The following PDZD2 variants were observed in gnomAD, a reference collection of about 807,000 sequenced individuals.
PDZD2 encodes PDZ domain-containing protein 2.
PDZD2 carries 90 observed loss-of-function variants against 220.7 expected under a neutral mutation model. The ratio of observed to expected loss-of-function variants is 0.41; its 90% CI spans 0.34 to 0.49. PDZD2 has a LOEUF of 0.49. Among genes scored for constraint, PDZD2 ranks in the 20% least tolerant of loss-of-function variants. The pLI is 0.28. For missense variants in PDZD2, 3,174 were observed against 3,608.5 expected (o/e 0.88, Z 3.08); for synonymous variants, 1,375 against 1,450.5 (o/e 0.95, Z 1.18).
At chr5:31,936,231 C>T in intron 2 of PDZD2, 1 of 987,758 alleles carries the variant, frequency 1.0e-6, no homozygotes, top group Non-Finnish European at 1.2e-6. Context: ...TAACCCAGGA[C>T]TTTAAAGACC....
chr5:31,646,528 C>A lies in PDZD2; in HGVS notation c.-361+7091C>A, dbSNP rs572689011. Among the ~76,000 whole-genome samples the A allele has an allele frequency of 1.3e-5, 2 of 152,312 alleles. No homozygotes were observed. The highest frequency in any genetic ancestry group is 2.9e-5 in the Non-Finnish European group (2 of 68,018). ...TAAAGCAAGATGTCAATAAACTCTACATTTTTGTGTGTTGGCCAATGGACA... is the reference window on the plus strand; with the variant it reads ...TAAAGCAAGATGTCAATAAACTCTAAATTTTTGTGTGTTGGCCAATGGACA... On this transcript the variant is annotated intron_variant, in intron 1 of 24. Coordinates refer to ENST00000438447, the MANE Select transcript of PDZD2 (RefSeq NM_178140.4). This position sits in a 1 kb window ranked among gnomAD's most constrained non-coding sequence, Gnocchi z 4.7.
chr5:31,995,521 T>G (rs1194585846), intron 3 of PDZD2, 55 bp from the exon 4 acceptor site: 11 of 1,604,674 alleles, frequency 6.9e-6, no homozygotes, highest in Non-Finnish European at 9.4e-6. Flanking sequence ...TTCTCCTGTG[T>G]CAATGCCGTG....
intron 1 of PDZD2, among the ~76,000 whole-genome samples, chr5:31,718,762 A>G (rs1456049308): frequency 2.2e-5 from 3 of 136,182 alleles, no homozygotes; most frequent in Non-Finnish European, 3.0e-5. Flanking sequence ...GTGCAGTAGC[A>G]CGATCTCGGC....
chr5:31,720,107 G>T (rs1044104665), intron 1 of PDZD2, among the ~76,000 whole-genome samples: 2 of 152,278 alleles, frequency 1.3e-5, no homozygotes, highest in African/African-American at 4.8e-5. Context: ...CCTGAAGTTG[G>T]GTGTCTGTAA....
chr5:32,021,729 T>A lies in PDZD2; in HGVS notation c.1407+11247T>A, dbSNP rs558050322. ...AGCTCCCGGTTTGTTAATGGGCAGG[T>A]GTTTTCCAAAATTTGTTGGTAAAGC... On this transcript the variant is annotated intron_variant, in intron 6 of 24. Transcript: ENST00000438447. Among the ~76,000 whole-genome samples, 10 of 152,354 alleles carry A rather than the reference T, an allele frequency of 6.6e-5. No homozygotes were observed. The South Asian group carries it at 1.7e-3, about 25-fold the overall frequency.
chr5:31,859,103 G>A (rs1737434889), intron 2 of PDZD2, among the ~76,000 whole-genome samples: 1 of 151,888 alleles, frequency 6.6e-6, no homozygotes, highest in Admixed American at 6.6e-5. Context: ...TCAGCATGAG[G>A]ACCATTTTCC....
intron 2 of PDZD2, among the ~76,000 whole-genome samples, chr5:31,946,008 T>C (rs915069479): frequency 4.6e-5 from 7 of 152,182 alleles, no homozygotes; most frequent in Non-Finnish European, 8.8e-5. Flanking sequence ...CATTTGTTTT[T>C]GTTTCTCTTT....
In PDZD2 at chr5:31,878,733, T is replaced by G. The variant is rs569091588; in HGVS notation, c.476+79009T>G. On this transcript the variant is annotated intron_variant, in intron 2 of 24. Transcript: ENST00000438447. ...CCGCCACCTCGCCCAGCTAATTTTTTTGTATTTTTAGTAGAGACGGGGTTT... is the reference window on the plus strand; with the variant it reads ...CCGCCACCTCGCCCAGCTAATTTTTGTGTATTTTTAGTAGAGACGGGGTTT... Among the ~76,000 whole-genome samples the G allele has an allele frequency of 4.3e-4, 66 of 151,824 alleles. No individual in the cohort carries two copies. In the East Asian group the frequency reaches 0.012, roughly 29 times the overall value.
chr5:31,715,258 G>A (rs1185399372), intron 1 of PDZD2, among the ~76,000 whole-genome samples: 2 of 152,100 alleles, frequency 1.3e-5, no homozygotes, highest in Non-Finnish European at 2.9e-5. Context: ...GAAGTTTCTT[G>A]AAGAAACTAA....
chr5:32,106,572 C>T (rs1744784821), intron 24 of PDZD2: 1 of 152,212 alleles, frequency 6.6e-6, no homozygotes, highest in South Asian at 2.1e-4. Flanking sequence ...TTGGAGAAAT[C>T]TGTAACTTGC....
chr5:31,706,047 A>G (rs1317527632), intron 1 of PDZD2, among the ~76,000 whole-genome samples: 1 of 152,178 alleles, frequency 6.6e-6, no homozygotes, highest in Non-Finnish European at 1.5e-5. Flanking sequence ...GCGAGACTCC[A>G]TCTCAAAATA....
chr5:31,657,891 C>A (rs1287416814), intron 1 of PDZD2, among the ~76,000 whole-genome samples: 2 of 152,160 alleles, frequency 1.3e-5, no homozygotes, highest in Admixed American at 6.5e-5. Context: ...TAATAGCTGC[C>A]TTCCAAGTCC....
intron 2 of PDZD2, among the ~76,000 whole-genome samples, chr5:31,854,093 A>T (rs1758220324): frequency 2.0e-5 from 3 of 152,190 alleles, no homozygotes; most frequent in Admixed American, 2.0e-4. Flanking sequence ...AAAAGCAATG[A>T]AATGTGGGGT....
chr5:32,097,243 G>A (rs373253465), intron 21 of PDZD2, 36 bp from the exon 22 acceptor site: 289 of 1,361,702 alleles, frequency 2.1e-4, no homozygotes, highest in Non-Finnish European at 2.9e-4. Context: ...TTTTGCAGCT[G>A]TAGCTCAAAG....
intron 19 of PDZD2, among the ~76,000 whole-genome samples, chr5:32,079,893 G>A (rs896771700): frequency 4.6e-5 from 7 of 152,108 alleles, no homozygotes; most frequent in South Asian, 2.1e-4. Context: ...ACAGGCCCCT[G>A]ATGTCTCTGT....
chr5:31,849,479 T>C (rs1235845861), intron 2 of PDZD2, among the ~76,000 whole-genome samples: 1 of 152,166 alleles, frequency 6.6e-6, no homozygotes, highest in Non-Finnish European at 1.5e-5. Context: ...ATCATTATCA[T>C]CATCAACTAA....
rs144123255 is a variant in PDZD2, at chr5:31,975,893, T to C, written c.477-7262T>C. ...GTCATGGCTCACTGCAGCCTCGACC[T>C]CCTAGGCTCAAGCGATCTTCCCGCC... On this transcript the variant is annotated intron_variant, in intron 2 of 24. Coordinates refer to ENST00000438447, the MANE Select transcript of PDZD2 (RefSeq NM_178140.4). 5.8e-3 allele frequency among the ~76,000 whole-genome samples: 829 copies of C among 143,120 alleles called. 4 individuals are homozygous for C. Among genetic ancestry groups the C allele is most frequent in the African/African-American group, 0.02 (787 of 38,596 alleles). The allele number at this position is 143,120 out of a possible 152,430, so 93.9% of individuals were successfully genotyped here.
At position 32,000,397 on chromosome 5, in the gene PDZD2, GAAACAGC is replaced by G; in HGVS notation, c.1254+127_1254+133del. ...ACTTGTACGTTTGCCTTGGGCTATT[GAAACAGC>G]CTTGCTTCCACAGGGCAACGCTATA... On this transcript the variant is annotated intron_variant, in intron 5 of 24. Transcript: ENST00000438447. This position sits in a 1 kb window ranked among gnomAD's most constrained non-coding sequence, Gnocchi z 4.5. 1 of 1,001,778 alleles carries G rather than the reference GAAACAGC, an allele frequency of 1.0e-6. No homozygotes were observed. Among genetic ancestry groups the G allele is most frequent in the Non-Finnish European group, 1.6e-6 (1 of 642,038 alleles). 62.1% of individuals were successfully genotyped at this position (1,001,778 alleles called of 1,614,324 possible). A position where few individuals can be genotyped will look rare whatever the true frequency, so the allele number is the denominator to read the frequency against.
At chr5:32,040,480 C>A (rs1755988142) in intron 7 of PDZD2, among the ~76,000 whole-genome samples, 1 of 147,806 alleles carries the variant, frequency 6.8e-6, no homozygotes, top group African/African-American at 2.5e-5. Context: ...CCCTGCCGCC[C>A]CATCTGGGAA....
Sources: gnomAD v4.1 joint callset for allele counts (sites outside exome capture counted in the v4.1 genomes callset) on GRCh38, gnomAD v4.1.1 for gene constraint, Gnocchi (gnomAD v3.1) non-coding constraint, MANE v1.5 for transcripts, NCBI Gene and HGNC (gene_info 2026-07-23, HGNC 2026-07-21) for gene names.